Variants in ARFIP1 observed in about 807,000 individuals in gnomAD.
The protein encoded by ARFIP1 is ARF interacting protein 1.
In ARFIP1, 24 loss-of-function variants were observed where a neutral mutation model predicts 42.5. That is an observed-to-expected ratio of 0.57 (90% CI 0.41 to 0.80). The LOEUF (loss-of-function observed/expected upper bound fraction) is 0.80. ARFIP1 is among the 30% of genes least tolerant of loss of function. The probability of loss-of-function intolerance (pLI) is 0.00; values close to 1 mark genes in which losing one functional copy is unlikely to be tolerated. For missense variants in ARFIP1, 354 were observed against 434.0 expected, an observed-to-expected ratio of 0.82 and a Z score of 1.64; for synonymous variants, 141 against 153.7, an observed-to-expected ratio of 0.92 and a Z score of 0.61.
intron 5 of ARFIP1, among the ~76,000 whole-genome samples, chr4:152,876,835 AG>A (rs1410741132): frequency 3.3e-5 from 5 of 152,326 alleles, no homozygotes; most frequent in African/African-American, 1.2e-4. Flanking sequence ...CATGGCTGAA[AG>A]GGGCCAATGT....
intron 1 of ARFIP1, among the ~76,000 whole-genome samples, chr4:152,792,921 T>C (rs1578806551): frequency 1.3e-5 from 2 of 152,284 alleles, no homozygotes; most frequent in East Asian, 3.9e-4. Context: ...AGGTCTTTGG[T>C]TCTTACACTC....
chr4:152,800,768 T>C (rs928243354), intron 1 of ARFIP1, among the ~76,000 whole-genome samples: 5 of 152,158 alleles, frequency 3.3e-5, no homozygotes, highest in Non-Finnish European at 7.4e-5. Flanking sequence ...AGATCCTGCA[T>C]CCAAGGTCGT....
intron 2 of ARFIP1, among the ~76,000 whole-genome samples, chr4:152,849,265 T>C (rs1732798691): frequency 6.6e-6 from 1 of 152,124 alleles, no homozygotes; most frequent in African/African-American, 2.4e-5. Flanking sequence ...CAAAAGCTAT[T>C]AGTAATATGT....
intron 5 of ARFIP1, among the ~76,000 whole-genome samples, chr4:152,879,874 A>T (rs948292848): frequency 6.6e-6 from 1 of 152,090 alleles, no homozygotes; most frequent in African/African-American, 2.4e-5. Flanking sequence ...AAAACAAAAA[A>T]TTGTAGTACT....
intron 8 of ARFIP1, among the ~76,000 whole-genome samples, chr4:152,897,320 T>TG (rs1016113029): frequency 6.6e-6 from 1 of 151,972 alleles, no homozygotes; most frequent in Non-Finnish European, 1.5e-5. Flanking sequence ...TCATATAGTT[T>TG]TTTTTTTTTA....
intron 1 of ARFIP1, among the ~76,000 whole-genome samples, chr4:152,804,036 A>T (rs1561107704): frequency 2.3e-5 from 3 of 130,930 alleles, no homozygotes; most frequent in African/African-American, 8.7e-5. Context: ...AATATAACGT[A>T]ATATATATAT....
At chr4:152,789,869 G>A (rs975718732) in intron 1 of ARFIP1, among the ~76,000 whole-genome samples, 1 of 152,052 alleles carries the variant, frequency 6.6e-6, no homozygotes, top group African/African-American at 2.4e-5. Flanking sequence ...TTAACTTTCT[G>A]GTATTACAAA....
At chr4:152,895,771 A>G (rs1281009761) in intron 8 of ARFIP1, among the ~76,000 whole-genome samples, 1 of 151,948 alleles carries the variant, frequency 6.6e-6, no homozygotes, top group Non-Finnish European at 1.5e-5. Flanking sequence ...TATGTTGCCC[A>G]GGCTGTTTTC....
chr4:152,870,623 A>G, intron 3 of ARFIP1, 130 bp from the exon 4 acceptor site: 1 of 639,962 alleles, frequency 1.6e-6, no homozygotes, highest in South Asian at 2.4e-5. Context: ...AAGAAAACAA[A>G]TATATTAATT....
intron 2 of ARFIP1, among the ~76,000 whole-genome samples, chr4:152,852,340 T>C (rs1454063492): frequency 2.6e-5 from 4 of 152,102 alleles, no homozygotes; most frequent in African/African-American, 9.7e-5. Flanking sequence ...CTTAAAAAAT[T>C]TAAGGGTTGG....
chr4:152,806,065 A>G (rs1474608836), intron 1 of ARFIP1, among the ~76,000 whole-genome samples: 1 of 152,206 alleles, frequency 6.6e-6, no homozygotes, highest in Non-Finnish European at 1.5e-5. Context: ...CTGTATTGCT[A>G]TTTTAAAAGA....
intron 2 of ARFIP1, among the ~76,000 whole-genome samples, chr4:152,853,441 CT>C (rs1733157585): frequency 6.6e-6 from 1 of 152,120 alleles, no homozygotes. Flanking sequence ...ATATAGTATC[CT>C]TGGCTGGACA....
At chr4:152,801,604 AAGAT>A (rs1470080645) in intron 1 of ARFIP1, among the ~76,000 whole-genome samples, 6 of 152,188 alleles carry the variant, frequency 3.9e-5, no homozygotes, top group East Asian at 1.9e-4. Flanking sequence ...TGAAATTGCC[AAGAT>A]AGATAGAAGA....
rs755760589 is a variant in ARFIP1 at position 152,910,451 on chromosome 4, T to C, written c.*232T>C. On this transcript the variant is annotated 3_prime_UTR_variant, in exon 9 of 9. Coordinates refer to ENST00000353617, the MANE Select transcript of ARFIP1 (RefSeq NM_001025595.3). The stretch of plus-strand genomic sequence containing the variant: ...CACAATAATTTTCCTTTTTGAGAAA[T>C]CCTTTTGTATTGTGAGGGTTGATGG... 7 of 382,906 alleles carry C rather than the reference T, an allele frequency of 1.8e-5. No homozygotes were observed. Among genetic ancestry groups the C allele is most frequent in the Non-Finnish European group, 2.3e-5 (5 of 220,786 alleles). The allele number at this position is 382,906 out of a possible 1,614,324, so 23.7% of individuals were successfully genotyped here.
intron 1 of ARFIP1, among the ~76,000 whole-genome samples, chr4:152,804,380 A>G (rs1422005605): frequency 1.0e-5 from 1 of 99,570 alleles, no homozygotes; most frequent in Non-Finnish European, 1.9e-5. Flanking sequence ...ATATAATATA[A>G]CATGTATTAT....
At chr4:152,895,148 A>G (rs896194109) in intron 8 of ARFIP1, among the ~76,000 whole-genome samples, 48 of 152,218 alleles carry the variant, frequency 3.2e-4, no homozygotes, top group Non-Finnish European at 1.5e-4. Flanking sequence ...TGATAGGTCT[A>G]AAATATGGAG....
intron 1 of ARFIP1, among the ~76,000 whole-genome samples, chr4:152,817,644 A>G (rs563862737): frequency 3.9e-5 from 6 of 152,360 alleles, no homozygotes; most frequent in African/African-American, 1.4e-4. Flanking sequence ...ATCAAAGGAC[A>G]CAACAGAGTG....
At chr4:152,805,591 C>T (rs1728937323) in intron 1 of ARFIP1, among the ~76,000 whole-genome samples, 1 of 152,200 alleles carries the variant, frequency 6.6e-6, no homozygotes. Flanking sequence ...ACCCTAGTTT[C>T]TGATTCTAAG....
intron 5 of ARFIP1, among the ~76,000 whole-genome samples, chr4:152,879,035 C>T (rs1735600112): frequency 2.5e-5 from 2 of 80,268 alleles, no homozygotes; most frequent in South Asian, 8.9e-4. Flanking sequence ...ATCTTCAGTT[C>T]AAGTTTCTCT....
Sources: gnomAD v4.1 joint callset for allele counts (sites outside exome capture counted in the v4.1 genomes callset) on GRCh38, gnomAD v4.1.1 for gene constraint, MANE v1.5 for transcripts, NCBI Gene and HGNC (gene_info 2026-07-23, HGNC 2026-07-21) for gene names.